NTN1: variants seen among roughly 807,000 people sequenced by gnomAD.
The protein encoded by NTN1 is netrin-1.
A neutral mutation model predicts 54.2 loss-of-function variants in NTN1; 11 were observed. The observed-to-expected ratio is 0.20, with a 90% CI of 0.13 to 0.34. The LOEUF (loss-of-function observed/expected upper bound fraction) is 0.34. Among genes scored for constraint, NTN1 ranks in the 10% least tolerant of loss-of-function variants. The probability of loss-of-function intolerance (pLI) is 1.00; values close to 1 mark genes in which losing one functional copy is unlikely to be tolerated. For synonymous variants in NTN1, 371 were observed against 382.0 expected (o/e 0.97, Z 0.33); for missense variants, 740 against 893.1 (o/e 0.83, Z 2.18).
rs957841089 is a variant in NTN1, at chr17:9,156,563, G to A, written c.1019-6250G>A. On this transcript the variant is annotated intron_variant, in intron 2 of 6. Transcript: ENST00000173229. ...TCCTGATGGGATTGAGAGTAAGTTC[G>A]CCAGGGTCTTTTGGGGTGGGCCAAC... Among the ~76,000 whole-genome samples the A allele has an allele frequency of 1.3e-4, 20 of 152,186 alleles. 1 individual carries two copies. The highest frequency in any genetic ancestry group is 2.9e-5 in the Non-Finnish European group (2 of 68,036).
At chr17:9,124,767 G>A (rs1378337877) in intron 2 of NTN1, among the ~76,000 whole-genome samples, 1 of 152,192 alleles carries the variant, frequency 6.6e-6, no homozygotes, top group Admixed American at 6.5e-5. Context: ...GCAGAGTCAA[G>A]GGATTGAGCT....
intron 2 of NTN1, among the ~76,000 whole-genome samples, chr17:9,134,547 G>A (rs1412257920): frequency 6.6e-6 from 1 of 152,218 alleles, no homozygotes; most frequent in Non-Finnish European, 1.5e-5. Flanking sequence ...TAATTAATCA[G>A]AGTCTCTGGG....
In NTN1 at chr17:9,179,930, G is replaced by A; in HGVS notation, c.1331G>A (p.Ser444Asn). 1 of 1,613,924 alleles carries A rather than the reference G, an allele frequency of 6.2e-7. No homozygotes were observed. Among genetic ancestry groups the A allele is most frequent in the Non-Finnish European group, 8.5e-7 (1 of 1,179,986 alleles). The stretch of plus-strand genomic sequence containing the variant: ...CGCTGCGCCAAAGGCTACCAGCAGA[G>A]CCGCTCTCCCATCGCCCCCTGCATA... ...CNRCAKGYQQ[S>N]RSPIAPCIKI... Residue 444 changes from serine (S) to asparagine (N), a missense_variant, in exon 4 of 7, where the codon AGC becomes AAC. By Grantham distance (46) the Ser-to-Asn change is conservative. Coordinates refer to ENST00000173229, the MANE Select transcript of NTN1 (RefSeq NM_004822.3).
In NTN1 at chr17:9,022,638, C is replaced by T; in HGVS notation, c.265C>T (p.Arg89Cys). The T allele has an allele frequency of 6.4e-7, 1 of 1,557,806 alleles. No individual in the cohort carries two copies. ...GAGCGAGCGCGGCGAGGAGCGGCTGCGCTCGTGCCACCTCTGCAACGCGTC... is the reference window on the plus strand; with the variant it reads ...GAGCGAGCGCGGCGAGGAGCGGCTGTGCTCGTGCCACCTCTGCAACGCGTC... ...VVSERGEERL[R>C]SCHLCNASDP... The change falls in exon 2 of 7, where the codon CGC becomes TGC. Residue 89 changes from arginine (R) to cysteine (C), a missense_variant. By Grantham distance (180) the Arg-to-Cys change is radical (BLOSUM62 -3). Transcript: ENST00000173229.
rs546582390 is a variant in NTN1, at chr17:9,206,495, C to T, written c.1412-14673C>T. ...TGCCCTCGGGGGGAGGGGGCTGGGG[C>T]GGCTCAGGTAGAAAAAGCCTGGCAG... On this transcript the variant is annotated intron_variant, in intron 5 of 6. Coordinates refer to ENST00000173229, the MANE Select transcript of NTN1 (RefSeq NM_004822.3). Among the ~76,000 whole-genome samples, 159 of 152,154 alleles carry T rather than the reference C, an allele frequency of 1.0e-3. 1 individual carries two copies. The highest frequency in any genetic ancestry group is 3.5e-3 in the African/African-American group (146 of 41,512).
chr17:9,201,905 G>A (rs904330371), intron 5 of NTN1, among the ~76,000 whole-genome samples: 2 of 151,366 alleles, frequency 1.3e-5, no homozygotes, highest in Admixed American at 6.6e-5. Context: ...ATAAAAGACC[G>A]GGCCGGGCGT....
intron 2 of NTN1, among the ~76,000 whole-genome samples, chr17:9,113,912 C>A (rs529726235): frequency 6.6e-6 from 1 of 151,708 alleles, no homozygotes; most frequent in Non-Finnish European, 1.5e-5. Context: ...CCTGTAATCC[C>A]AGCATTTTGG....
At chr17:9,045,351 C>T (rs781222314) in intron 2 of NTN1, among the ~76,000 whole-genome samples, 10 of 152,154 alleles carry the variant, frequency 6.6e-5, no homozygotes, top group African/African-American at 9.7e-5. Context: ...TGCCACCTCC[C>T]GTCATGAAAT....
At chr17:9,100,492 G>A (rs765192820) in intron 2 of NTN1, among the ~76,000 whole-genome samples, 1 of 151,864 alleles carries the variant, frequency 6.6e-6, no homozygotes, top group Non-Finnish European at 1.5e-5. Context: ...TAGTCGAGAC[G>A]GGGTTTCACC....
intron 5 of NTN1, among the ~76,000 whole-genome samples, chr17:9,213,223 C>T (rs949412863): frequency 6.6e-6 from 1 of 152,224 alleles, no homozygotes; most frequent in Non-Finnish European, 1.5e-5. Context: ...CAGTGGCTCT[C>T]CCTGGGACAG....
chr17:9,059,242 AC>A (rs752707812), intron 2 of NTN1, among the ~76,000 whole-genome samples: 2 of 152,172 alleles, frequency 1.3e-5, no homozygotes, highest in African/African-American at 4.8e-5. Context: ...GGAGGAACTT[AC>A]GCAAATCCTC....
intron 3 of NTN1, among the ~76,000 whole-genome samples, chr17:9,178,410 T>A (rs2092407614): frequency 6.6e-6 from 1 of 152,168 alleles, no homozygotes; most frequent in African/African-American, 2.4e-5. Flanking sequence ...CAGACACAAC[T>A]TCAACAAACA....
upstream of NTN1, among the ~76,000 whole-genome samples, chr17:9,018,398 G>A (rs1311438479): frequency 1.3e-5 from 2 of 152,050 alleles, no homozygotes; most frequent in African/African-American, 2.4e-5. Context: ...TTGGGAGGCC[G>A]AGGCGGGCAG....
intron 5 of NTN1, among the ~76,000 whole-genome samples, chr17:9,216,428 T>A (rs757664183): frequency 2.6e-4 from 39 of 152,262 alleles, no homozygotes; most frequent in Non-Finnish European, 4.3e-4. Context: ...CCATTTGGCA[T>A]GTACACCTAT....
chr17:9,034,955 GTTATTTT>G (rs2091898806), intron 2 of NTN1, among the ~76,000 whole-genome samples: 1 of 151,722 alleles, frequency 6.6e-6, no homozygotes, highest in Non-Finnish European at 1.5e-5. Context: ...TTATTTATTT[GTTATTTT>G]TTGAGACGGA....
rs374189942 is a variant in NTN1 at position 9,221,257 on chromosome 17, C to A, written c.1486+15C>A. The A allele has an allele frequency of 6.2e-7, 1 of 1,604,138 alleles. No homozygotes were observed. The highest frequency in any genetic ancestry group is 8.5e-7 in the Non-Finnish European group (1 of 1,171,136). ...GAAGGACTATGGTGAGTGAGAGTCC[C>A]CTTGTCTGGGGAGGATGGGAGGGGG... On this transcript the variant is annotated intron_variant, in intron 6 of 6. Coordinates refer to ENST00000173229, the MANE Select transcript of NTN1 (RefSeq NM_004822.3). This position sits in a 1 kb window ranked among gnomAD's most constrained non-coding sequence, Gnocchi z 4.5.
chr17:9,038,218 TC>T (rs2091909225), intron 2 of NTN1, among the ~76,000 whole-genome samples: 1 of 117,392 alleles, frequency 8.5e-6, no homozygotes, highest in African/African-American at 3.7e-5. Flanking sequence ...ACTCTCTCTC[TC>T]TGTGTCTCTC....
At chr17:9,086,550 A>G (rs1191744129) in intron 2 of NTN1, among the ~76,000 whole-genome samples, 3 of 152,148 alleles carry the variant, frequency 2.0e-5, no homozygotes, top group African/African-American at 2.4e-5. Flanking sequence ...CTATGGAAGC[A>G]GGAGGAAGAG....
At chr17:9,066,396 A>G (rs558557427) in intron 2 of NTN1, among the ~76,000 whole-genome samples, 7 of 152,212 alleles carry the variant, frequency 4.6e-5, no homozygotes, top group Non-Finnish European at 7.3e-5. Flanking sequence ...TGGGAGGCTG[A>G]GGTGGGCGGA....
Sources: gnomAD v4.1 joint callset for allele counts (sites outside exome capture counted in the v4.1 genomes callset) on GRCh38, gnomAD v4.1.1 for gene constraint, Gnocchi (gnomAD v3.1) non-coding constraint, MANE v1.5 for transcripts, NCBI Gene and HGNC (gene_info 2026-07-23, HGNC 2026-07-21) for gene names.